The following DLG2 variants were observed in gnomAD, a reference collection of about 807,000 sequenced individuals.
The protein encoded by DLG2 is discs large MAGUK scaffold protein 2, also known as disks large homolog 2.
Under a neutral mutation model 132.5 loss-of-function variants are expected in DLG2, and 45 were observed. That is an observed-to-expected ratio of 0.34 (90% CI 0.27 to 0.44). The LOEUF (loss-of-function observed/expected upper bound fraction) is 0.44. Ranked by LOEUF, DLG2 falls within the 20% of genes least tolerant of loss-of-function variation. DLG2 has a pLI of 1.00. For missense variants in DLG2, 1,045 were observed against 1,196.9 expected (o/e 0.87, Z 1.87); for synonymous variants, 424 against 419.6 (o/e 1.01, Z -0.13).
chr11:85,521,299 C>G (rs563409580), intron 3 of DLG2, among the ~76,000 whole-genome samples: 1 of 152,174 alleles, frequency 6.6e-6, no homozygotes, highest in African/African-American at 2.4e-5. Flanking sequence ...TTTTCCCCCA[C>G]TTTGCTCTGC....
At chr11:84,481,161 C>A (rs2099136452) in intron 7 of DLG2, among the ~76,000 whole-genome samples, 1 of 152,066 alleles carries the variant, frequency 6.6e-6, no homozygotes, top group African/African-American at 2.4e-5. Flanking sequence ...ATGAACAGTA[C>A]CTGCTATTAT....
chr11:83,632,769 A>C (rs1272503765), intron 19 of DLG2: 1 of 155,454 alleles, frequency 6.4e-6, no homozygotes, highest in Non-Finnish European at 1.4e-5. Flanking sequence ...ATAACTCTTT[A>C]GAAGAATGCC....
intron 7 of DLG2, among the ~76,000 whole-genome samples, chr11:84,307,368 T>C (rs1390586941): frequency 6.6e-6 from 1 of 152,018 alleles, no homozygotes; most frequent in Non-Finnish European, 1.5e-5. Context: ...GAGAAGAAGG[T>C]GAGGACTGAA....
At chr11:83,755,938 TAC>T (rs1218915648) in intron 18 of DLG2, among the ~76,000 whole-genome samples, 2 of 151,464 alleles carry the variant, frequency 1.3e-5, no homozygotes, top group East Asian at 1.9e-4. Flanking sequence ...CCTTATGAGT[TAC>T]ACTCAAATAG....
At chr11:85,438,106 G>C (rs1247757792) in intron 3 of DLG2, among the ~76,000 whole-genome samples, 1 of 152,134 alleles carries the variant, frequency 6.6e-6, no homozygotes, top group Non-Finnish European at 1.5e-5. Context: ...TACATACTGA[G>C]AGAAGAAAGA....
chr11:85,366,786 GT>G (rs2084590197), intron 3 of DLG2, among the ~76,000 whole-genome samples: 1 of 152,136 alleles, frequency 6.6e-6, no homozygotes, highest in South Asian at 2.1e-4. Flanking sequence ...GGGAACAAAT[GT>G]TTCTCTGTTA....
chr11:84,146,723 T>C (rs35969270), intron 9 of DLG2, among the ~76,000 whole-genome samples: 5,264 of 152,266 alleles, frequency 0.035, 141 homozygotes, highest in Non-Finnish European at 0.055. Flanking sequence ...GCCCCACTTG[T>C]TGGCAAGTTA....
At chr11:84,841,335 T>C (rs969171143) in intron 6 of DLG2, among the ~76,000 whole-genome samples, 3 of 151,992 alleles carry the variant, frequency 2.0e-5, no homozygotes, top group African/African-American at 7.2e-5. Flanking sequence ...TAAAAAATAA[T>C]AACATCTGTT....
At chr11:84,242,626 G>C (rs889685221) in intron 8 of DLG2, among the ~76,000 whole-genome samples, 4 of 152,004 alleles carry the variant, frequency 2.6e-5, no homozygotes, top group Non-Finnish European at 5.9e-5. Flanking sequence ...GGCTGGTCTC[G>C]AACTTCTAAC....
intron 16 of DLG2, among the ~76,000 whole-genome samples, chr11:83,834,177 T>G (rs2055418362): frequency 6.6e-6 from 1 of 152,184 alleles, no homozygotes; most frequent in Non-Finnish European, 1.5e-5. Context: ...CAAGCCAGGT[T>G]GTGGGTTTGT....
chr11:85,513,803 T>C (rs918383047), intron 3 of DLG2, among the ~76,000 whole-genome samples: 1 of 151,974 alleles, frequency 6.6e-6, no homozygotes, highest in Non-Finnish European at 1.5e-5. Flanking sequence ...TGTCTTATAT[T>C]TAACCTATTG....
chr11:85,418,620 G>C (rs2090052686), intron 3 of DLG2, among the ~76,000 whole-genome samples: 1 of 152,190 alleles, frequency 6.6e-6, no homozygotes, highest in South Asian at 2.1e-4. Context: ...ACGAATCTCA[G>C]TGCTCCTGTA....
intron 18 of DLG2, among the ~76,000 whole-genome samples, chr11:83,733,597 G>A (rs2091404254): frequency 6.6e-6 from 1 of 152,262 alleles, no homozygotes; most frequent in South Asian, 2.1e-4. Flanking sequence ...TGTTACTTCG[G>A]TAGCTGCTCA....
chr11:84,531,426 A>G (rs367908609), intron 7 of DLG2, among the ~76,000 whole-genome samples: 4 of 152,226 alleles, frequency 2.6e-5, no homozygotes, highest in Admixed American at 6.5e-5. Context: ...CCTCCATGAT[A>G]TGCAGTTTAC....
At chr11:83,708,704 C>T (rs1410878131) in intron 18 of DLG2, among the ~76,000 whole-genome samples, 1 of 152,050 alleles carries the variant, frequency 6.6e-6, no homozygotes, top group African/African-American at 2.4e-5. Flanking sequence ...GCTAATACTA[C>T]TTAATTACAA....
intron 7 of DLG2, among the ~76,000 whole-genome samples, chr11:84,433,737 C>T (rs887420775): frequency 3.3e-5 from 5 of 152,146 alleles, no homozygotes; most frequent in African/African-American, 1.2e-4. Flanking sequence ...TGATTAAAGA[C>T]ATTTTTGGAT....
intron 21 of DLG2, among the ~76,000 whole-genome samples, chr11:83,492,722 A>G (rs1337699252): frequency 3.3e-5 from 5 of 151,958 alleles, no homozygotes; most frequent in South Asian, 2.1e-4. Context: ...CCCACATCCA[A>G]TTGGTTAATA....
chr11:84,371,970 T>A (rs963613191), intron 7 of DLG2, among the ~76,000 whole-genome samples: 6 of 152,216 alleles, frequency 3.9e-5, no homozygotes, highest in African/African-American at 1.4e-4. Flanking sequence ...TATGTGATTT[T>A]AAAAAATTGC....
rs182051600 is a variant in DLG2, at chr11:85,414,074, T to G, written c.41-128709A>C. 1.2e-4 allele frequency among the ~76,000 whole-genome samples: 18 copies of G among 152,208 alleles called. No individual in the cohort carries two copies. In the South Asian group the frequency reaches 1.2e-3, roughly 11 times the overall value. On this transcript the variant is annotated intron_variant, in intron 3 of 27. Transcript: ENST00000376104. ...TTGTTTGTGTCATCTATGATTTCTT[T>G]CAGCAGTGTTTTGTAGTTTTCCTTG...
Sources: allele counts gnomAD v4.1 joint callset (sites outside exome capture counted in the v4.1 genomes callset), GRCh38; gene constraint gnomAD v4.1.1; transcripts MANE v1.5; gene names NCBI Gene and HGNC (gene_info 2026-07-23, HGNC 2026-07-21).